SNX29: variants seen among roughly 807,000 people sequenced by gnomAD.
SNX29 encodes the protein sorting nexin 29.
Under a neutral mutation model 102.1 loss-of-function variants are expected in SNX29, and 78 were observed. The observed-to-expected ratio is 0.76, with a 90% CI of 0.64 to 0.92. The LOEUF (loss-of-function observed/expected upper bound fraction) is 0.92, where lower values mean the gene tolerates loss of function less well. Ranked by LOEUF, SNX29 falls within the 40% of genes least tolerant of loss-of-function variation. The probability of loss-of-function intolerance (pLI) is 0.00; values close to 1 mark genes in which losing one functional copy is unlikely to be tolerated. For missense variants in SNX29, 1,280 were observed against 1,061.7 expected (o/e 1.21, Z -2.86); for synonymous variants, 580 against 414.5 (o/e 1.40, Z -4.85).
chr16:12,167,575 C>T (rs984750778), intron 13 of SNX29, among the ~76,000 whole-genome samples: 1 of 152,126 alleles, frequency 6.6e-6, no homozygotes, highest in African/African-American at 2.4e-5. Context: ...ATTATCGCCA[C>T]CATTAAGTAA....
chr16:12,180,641 G>A (rs144905211), intron 13 of SNX29, among the ~76,000 whole-genome samples: 2,088 of 152,106 alleles, frequency 0.014, 41 homozygotes, highest in African/African-American at 0.048. Flanking sequence ...CCGCCACCAC[G>A]TCCGGCTAAT....
At chr16:12,376,598 T>C (rs774655932) in intron 16 of SNX29, among the ~76,000 whole-genome samples, 5 of 151,822 alleles carry the variant, frequency 3.3e-5, no homozygotes, top group Non-Finnish European at 5.9e-5. Flanking sequence ...TAGCTGGGCA[T>C]GGCGGCTGGC....
chr16:11,990,095 G>A (rs1041428577), intron 1 of SNX29, among the ~76,000 whole-genome samples: 1 of 152,128 alleles, frequency 6.6e-6, no homozygotes, highest in Admixed American at 6.5e-5. Context: ...TCACCAGGGC[G>A]GCCAGCCCCC....
At chr16:12,553,947 C>T (rs2078157862) in intron 20 of SNX29, among the ~76,000 whole-genome samples, 1 of 152,180 alleles carries the variant, frequency 6.6e-6, no homozygotes, top group Non-Finnish European at 1.5e-5. Flanking sequence ...CCTGCCTCAG[C>T]CACCCAAGTA....
intron 20 of SNX29, among the ~76,000 whole-genome samples, chr16:12,544,758 C>T (rs565810831): frequency 9.8e-5 from 15 of 152,320 alleles, no homozygotes; most frequent in Admixed American, 2.0e-4. Flanking sequence ...GGGACGTGCT[C>T]TGGGTCGCAC....
chr16:12,105,316 C>G lies in SNX29; in HGVS notation c.1403-21317C>G, dbSNP rs9925269. On this transcript the variant is annotated intron_variant, in intron 11 of 20. Coordinates refer to ENST00000566228, the MANE Select transcript of SNX29 (RefSeq NM_032167.5). The stretch of plus-strand genomic sequence containing the variant: ...CTCAGCTCACTGCAACCTCTGCCTC[C>G]TGGGTTCAAGCGATTCTTGTGCCTC... 3.7e-3 allele frequency among the ~76,000 whole-genome samples: 564 copies of G among 150,942 alleles called. 8 individuals are homozygous for G. Among genetic ancestry groups the G allele is most frequent in the African/African-American group, 0.013 (532 of 41,254 alleles).
At chr16:12,061,829 C>T (rs980794812) in intron 9 of SNX29, among the ~76,000 whole-genome samples, 183 bp downstream of exon 9, 2 of 152,174 alleles carry the variant, frequency 1.3e-5, no homozygotes, top group Non-Finnish European at 2.9e-5. Context: ...GCTTCTCTCC[C>T]TGAACCTGGG....
intron 20 of SNX29, among the ~76,000 whole-genome samples, chr16:12,560,176 T>G (rs1007308970): frequency 6.6e-6 from 1 of 150,752 alleles, no homozygotes; most frequent in South Asian, 2.1e-4. Context: ...CACTTTTTTT[T>G]AATTCACCAT....
chr16:12,008,736 T>G (rs533828930), intron 3 of SNX29, among the ~76,000 whole-genome samples: 6 of 151,764 alleles, frequency 4.0e-5, no homozygotes, highest in African/African-American at 1.2e-4. Context: ...ATTTAGTTTT[T>G]TTTTTTTTTT....
intron 13 of SNX29, among the ~76,000 whole-genome samples, chr16:12,160,042 A>C (rs1451265856): frequency 6.6e-6 from 1 of 152,206 alleles, no homozygotes; most frequent in Non-Finnish European, 1.5e-5. Context: ...CAGGCTAGTC[A>C]GATGTCTCTA....
At chr16:11,998,662 C>T (rs1057178657) in intron 1 of SNX29, among the ~76,000 whole-genome samples, 13 of 152,146 alleles carry the variant, frequency 8.5e-5, no homozygotes, top group South Asian at 8.3e-4. Context: ...GGGAGTGATG[C>T]TCTGCATAGC....
At chr16:12,156,780 G>C (rs961181158) in intron 13 of SNX29, among the ~76,000 whole-genome samples, 1 of 152,206 alleles carries the variant, frequency 6.6e-6, no homozygotes. Context: ...TTTATCCAAC[G>C]TCAGGAGAAT....
chr16:12,537,951 C>G (rs2077150012), intron 20 of SNX29, among the ~76,000 whole-genome samples: 1 of 147,432 alleles, frequency 6.8e-6, no homozygotes, highest in African/African-American at 2.5e-5. Flanking sequence ...TGCCACTGCA[C>G]TCCAGCCTGG....
intron 18 of SNX29, among the ~76,000 whole-genome samples, chr16:12,413,872 T>C (rs1195848437): frequency 1.4e-5 from 2 of 139,490 alleles, no homozygotes; most frequent in East Asian, 4.5e-4. Flanking sequence ...TAAATTACCA[T>C]ACAGTCATCC....
chr16:12,101,987 A>T (rs995094392), intron 11 of SNX29, among the ~76,000 whole-genome samples: 1 of 151,474 alleles, frequency 6.6e-6, no homozygotes, highest in Non-Finnish European at 1.5e-5. Context: ...TCATTGTTCA[A>T]CTCCCACCTA....
chr16:12,453,843 G>A (rs551027160), intron 18 of SNX29, among the ~76,000 whole-genome samples: 1 of 152,164 alleles, frequency 6.6e-6, no homozygotes, highest in South Asian at 2.1e-4. Context: ...GGCAGGGAAG[G>A]TATCTTTGGA....
At chr16:12,506,029 C>T (rs148420393) in intron 19 of SNX29, among the ~76,000 whole-genome samples, 27 of 152,110 alleles carry the variant, frequency 1.8e-4, no homozygotes, top group East Asian at 1.2e-3. Flanking sequence ...GGTGTGATCT[C>T]GCCTCACTGC....
intron 14 of SNX29, among the ~76,000 whole-genome samples, chr16:12,210,513 G>T (rs922220986): frequency 6.6e-6 from 1 of 151,088 alleles, no homozygotes; most frequent in Non-Finnish European, 1.5e-5. Context: ...AGTCTTGCCT[G>T]AGAATGGAGT....
At chr16:12,545,750 T>A (rs1315511559) in intron 20 of SNX29, 1 of 152,130 alleles carries the variant, frequency 6.6e-6, no homozygotes, top group Non-Finnish European at 1.5e-5. Context: ...GATTTTAACC[T>A]GAGATGGAGA....
Sources: allele counts gnomAD v4.1 joint callset (sites outside exome capture counted in the v4.1 genomes callset), GRCh38; gene constraint gnomAD v4.1.1; transcripts MANE v1.5; gene names NCBI Gene and HGNC (gene_info 2026-07-23, HGNC 2026-07-21).